The following MGAT5 variants were observed in gnomAD, a reference collection of about 807,000 sequenced individuals.
MGAT5 encodes the protein alpha-1,6-mannosylglycoprotein 6-beta-N-acetylglucosaminyltransferase A.
Under a neutral mutation model 94.3 loss-of-function variants are expected in MGAT5, and 30 were observed. That is an observed-to-expected ratio of 0.32 (90% CI 0.24 to 0.43). The LOEUF is 0.43. MGAT5 is among the 20% of genes least tolerant of loss of function. MGAT5 has a pLI of 1.00. For missense variants in MGAT5, 691 were observed against 905.5 expected (o/e 0.76, Z 3.04); for synonymous variants, 310 against 322.9 (o/e 0.96, Z 0.43).
At chr2:134,307,803 G>A (rs1229043840) in intron 2 of MGAT5, among the ~76,000 whole-genome samples, 2 of 152,058 alleles carry the variant, frequency 1.3e-5, no homozygotes, top group Non-Finnish European at 2.9e-5. Flanking sequence ...ATCTCTGGCC[G>A]TTCCTTTTCC....
At chr2:134,157,300 CG>C in intron 1 of MGAT5, among the ~76,000 whole-genome samples, 1 of 152,056 alleles carries the variant, frequency 6.6e-6, no homozygotes, top group Non-Finnish European at 1.5e-5. Flanking sequence ...AAAGAGCATA[CG>C]GGGACTCTGT....
intron 10 of MGAT5, among the ~76,000 whole-genome samples, chr2:134,395,844 C>G (rs1574007612): frequency 6.6e-6 from 1 of 152,258 alleles, no homozygotes; most frequent in East Asian, 1.9e-4. Context: ...TGTTCGTTCC[C>G]CCAGATAGGC....
Position 134,345,047 on chromosome 2 carries a change from A to G in MGAT5, c.1095A>G (p.Pro365=), listed in dbSNP as rs1294990606. ...GLAQFKKTLG[P]SWVHYQCMLR... ...CTCAATTCAAGAAAACTCTTGGACC[A>G]TCCTGGGTTCATTACCAGTAAGTGC... The change falls in exon 8 of 16, where the codon CCA becomes CCG. Residue 365 remains proline (P), a synonymous_variant. Coordinates refer to ENST00000281923, the MANE Select transcript of MGAT5 (RefSeq NM_002410.5). 2 of 1,613,084 alleles carry G rather than the reference A, an allele frequency of 1.2e-6. No individual in the cohort carries two copies. The highest frequency in any genetic ancestry group is 2.2e-5 in the East Asian group (1 of 44,844).
Position 134,122,372 on chromosome 2 carries a change from G to C in MGAT5, c.-143+2081G>C, listed in dbSNP as rs188252683. On this transcript the variant is annotated intron_variant, in intron 1 of 16. Coordinates refer to the MGAT5 transcript ENST00000409645. Reference sequence around the variant, plus strand: ...AGCTGCCTCGGCCTCCCAAAGTGCTGGGATTACAGGCGTGACCCACCGTGC... The same window carrying C: ...AGCTGCCTCGGCCTCCCAAAGTGCTCGGATTACAGGCGTGACCCACCGTGC... Among the ~76,000 whole-genome samples the C allele has an allele frequency of 3.9e-5, 6 of 152,280 alleles. No homozygotes were observed. The East Asian group carries it at 1.2e-3, about 29-fold the overall frequency.
At chr2:134,288,208 A>G (rs1232485352) in intron 2 of MGAT5, among the ~76,000 whole-genome samples, 1 of 152,250 alleles carries the variant, frequency 6.6e-6, no homozygotes, top group Non-Finnish European at 1.5e-5. Flanking sequence ...TATCAGGCAC[A>G]TGATAGACAT....
intron 10 of MGAT5, among the ~76,000 whole-genome samples, chr2:134,367,368 T>C (rs900634720): frequency 3.3e-5 from 5 of 152,248 alleles, no homozygotes; most frequent in African/African-American, 1.2e-4. Flanking sequence ...ATTCTTAGTC[T>C]ATGTAAGTGG....
chr2:134,274,413 C>T (rs1684219374), intron 2 of MGAT5, among the ~76,000 whole-genome samples: 1 of 152,178 alleles, frequency 6.6e-6, no homozygotes. Context: ...AGAAGTGGGA[C>T]TGCCTTTTTT....
intron 1 of MGAT5, among the ~76,000 whole-genome samples, chr2:134,196,964 C>T (rs1679524854): frequency 6.6e-6 from 1 of 152,212 alleles, no homozygotes; most frequent in African/African-American, 2.4e-5. Flanking sequence ...GTTGTGGCCT[C>T]TGCCTTTGAA....
Position 134,205,216 on chromosome 2 carries a change from A to G in MGAT5, c.-142-49046A>G, listed in dbSNP as rs140719940. ...TTGCTTGTAGCCAGAAGCCCCTGATAATTTTATACCTGTGAGTGACATCCT... is the reference window on the plus strand; with the variant it reads ...TTGCTTGTAGCCAGAAGCCCCTGATGATTTTATACCTGTGAGTGACATCCT... On this transcript the variant is annotated intron_variant, in intron 1 of 16. Transcript: ENST00000409645. 5.8e-3 allele frequency among the ~76,000 whole-genome samples: 888 copies of G among 152,222 alleles called. 16 individuals are homozygous for G. Among genetic ancestry groups the G allele is most frequent in the African/African-American group, 0.02 (851 of 41,520 alleles).
At chr2:134,301,117 G>A (rs1248569389) in intron 2 of MGAT5, among the ~76,000 whole-genome samples, 1 of 152,092 alleles carries the variant, frequency 6.6e-6, no homozygotes, top group Non-Finnish European at 1.5e-5. Flanking sequence ...AAATCTTACA[G>A]TATGAACATT....
chr2:134,428,110 A>G (rs1187847730), intron 13 of MGAT5, among the ~76,000 whole-genome samples: 2 of 152,240 alleles, frequency 1.3e-5, no homozygotes, highest in Non-Finnish European at 1.5e-5. Context: ...TAATCTTTGC[A>G]GCTTAAAAGA....
At chr2:134,336,431 C>A in intron 5 of MGAT5, 143 bp downstream of exon 5, 1 of 661,144 alleles carries the variant, frequency 1.5e-6, no homozygotes, top group East Asian at 2.8e-5. Flanking sequence ...CTGTGGAAGT[C>A]TAAGTGACTA....
intron 4 of MGAT5, among the ~76,000 whole-genome samples, chr2:134,323,107 G>A (rs577214339): frequency 6.6e-6 from 1 of 152,262 alleles, no homozygotes; most frequent in South Asian, 2.1e-4. Flanking sequence ...TGAGTTATGG[G>A]ATTAGAAACT....
chr2:134,257,836 CTTTTTT>C lies in MGAT5; in HGVS notation c.241+3206_241+3211del, dbSNP rs10628858. On this transcript the variant is annotated intron_variant, in intron 1 of 15. Coordinates refer to ENST00000281923, the MANE Select transcript of MGAT5 (RefSeq NM_002410.5). ...TGCATAGGCCATTAGTTTGCAGTCT[CTTTTTT>C]TTTTTTTTTTTTTGCCATAAATGCA... Among the ~76,000 whole-genome samples the C allele has an allele frequency of 6.6e-5, 7 of 106,434 alleles. No homozygotes were observed. In the South Asian group the frequency reaches 1.6e-3, roughly 24 times the overall value. 69.8% of individuals were successfully genotyped at this position (106,434 alleles called of 152,430 possible).
intron 10 of MGAT5, among the ~76,000 whole-genome samples, chr2:134,366,073 T>G (rs1680410047): frequency 6.6e-6 from 1 of 152,146 alleles, no homozygotes; most frequent in Non-Finnish European, 1.5e-5. Context: ...ACTAACAGCC[T>G]AATCCCAAAT....
Position 134,195,401 on chromosome 2 carries a change from A to G in MGAT5, c.-142-58861A>G, listed in dbSNP as rs373784829. On this transcript the variant is annotated intron_variant, in intron 1 of 16. Coordinates refer to the MGAT5 transcript ENST00000409645. ...ATCGCCTTTCAGTTTTAGTCTAGGCATTCTGTTGAACAATTCTTATGTTTT... is the reference window on the plus strand; with the variant it reads ...ATCGCCTTTCAGTTTTAGTCTAGGCGTTCTGTTGAACAATTCTTATGTTTT... 3.9e-4 allele frequency among the ~76,000 whole-genome samples: 60 copies of G among 152,312 alleles called. 2 individuals carry two copies. The highest frequency in any genetic ancestry group is 1.4e-3 in the African/African-American group (58 of 41,572).
chr2:134,399,273 T>C (rs188937460), intron 10 of MGAT5, among the ~76,000 whole-genome samples: 1 of 152,352 alleles, frequency 6.6e-6, no homozygotes, highest in African/African-American at 2.4e-5. Context: ...TCCCCCCTGC[T>C]GTGGACTTAC....
chr2:134,127,498 C>A (rs1247815768), intron 1 of MGAT5, among the ~76,000 whole-genome samples: 3 of 132,670 alleles, frequency 2.3e-5, no homozygotes, highest in Admixed American at 7.8e-5. Flanking sequence ...AAAGGTTTCC[C>A]CCCCCCCCAG....
At chr2:134,347,829 C>T (rs1689012377) in intron 8 of MGAT5, among the ~76,000 whole-genome samples, 1 of 152,172 alleles carries the variant, frequency 6.6e-6, no homozygotes, top group Admixed American at 6.5e-5. Flanking sequence ...ATGGAAGAAG[C>T]TGAGCCTTCA....
Sources: gnomAD v4.1 joint callset for allele counts (sites outside exome capture counted in the v4.1 genomes callset) on GRCh38, gnomAD v4.1.1 for gene constraint, MANE v1.5 for transcripts, NCBI Gene and HGNC (gene_info 2026-07-23, HGNC 2026-07-21) for gene names.